The following FAM161A variants were observed in gnomAD, a reference collection of about 807,000 sequenced individuals.
FAM161A encodes the protein protein FAM161A.
FAM161A carries 57 observed loss-of-function variants against 70.9 expected under a neutral mutation model. The observed-to-expected ratio is 0.80, with a 90% CI of 0.65 to 1.00. The LOEUF (loss-of-function observed/expected upper bound fraction) is 1.00. Among genes scored for constraint, FAM161A ranks in the 50% least tolerant of loss-of-function variants. FAM161A has a pLI of 0.00. For missense variants in FAM161A, 880 were observed against 836.0 expected (o/e 1.05, Z -0.65); for synonymous variants, 299 against 295.7 (o/e 1.01, Z -0.12).
At position 61,826,468 on chromosome 2, in the gene FAM161A, T is replaced by C; in HGVS notation, c.2138A>G (p.Glu713Gly). The C allele has an allele frequency of 6.2e-7, 1 of 1,611,102 alleles. No homozygotes were observed. The change falls in exon 7 of 7, where the codon GAA (glutamate) becomes GGA (glycine). Residue 713 changes from glutamate to glycine, a missense_variant. Transcript: ENST00000404929. ...GACCTTGATGATTCAGTGTGATTCT[T>C]CAACAGATTTCTCTTCTTCACTTTC... Reference protein sequence around the residue: ...NEESEEEKSVEESH With the variant: ...NEESEEEKSVGESH
intron 1 of FAM161A, among the ~76,000 whole-genome samples, chr2:61,848,506 C>CT (rs1239832787): frequency 1.3e-5 from 2 of 151,848 alleles, no homozygotes; most frequent in South Asian, 2.1e-4. Context: ...CTTTAATCGG[C>CT]TTTTTGTGGA....
In FAM161A at chr2:61,842,272, G is replaced by C; in HGVS notation, c.272C>G (p.Ser91Cys). 1 of 1,612,996 alleles carries C rather than the reference G, an allele frequency of 6.2e-7. No individual in the cohort carries two copies. Among genetic ancestry groups the C allele is most frequent in the Non-Finnish European group, 8.5e-7 (1 of 1,179,166 alleles). The change falls in exon 2 of 7, where the codon TCT becomes TGT. Residue 91 changes from serine to cysteine, a missense_variant. Ser to Cys is a moderately radical substitution (Grantham distance 112). Transcript: ENST00000404929. ...DFVNFPDIHH[S>C]NEEYFKKVEE... is the part of the protein sequence containing the mutation. ...TACTTTCTTGAAATACTCCTCATTA[G>C]AGTGGTGAATATCAGGAAAGTTCAC...
At chr2:61,801,327 C>G in the FAM161A span, among the ~76,000 whole-genome samples, 1 of 151,230 alleles carries the variant, frequency 6.6e-6, no homozygotes, top group Non-Finnish European at 1.5e-5. Flanking sequence ...GAAACCCGGT[C>G]TCTACTAAAA....
chr2:61,834,040 A>G (rs928912620), intron 5 of FAM161A, among the ~76,000 whole-genome samples: 1 of 152,182 alleles, frequency 6.6e-6, no homozygotes, highest in Non-Finnish European at 1.5e-5. Context: ...ATTTTTCTAA[A>G]AAAATCAGAC....
chr2:61,830,704 A>AAC (rs397984772), intron 5 of FAM161A, among the ~76,000 whole-genome samples: 1 of 147,772 alleles, frequency 6.8e-6, no homozygotes, highest in Non-Finnish European at 1.5e-5. Flanking sequence ...AAAAAAAAAA[A>AAC]TGAGAACAGT....
At chr2:61,807,172 C>T in the FAM161A span, among the ~76,000 whole-genome samples, 1 of 151,976 alleles carries the variant, frequency 6.6e-6, no homozygotes, top group Non-Finnish European at 1.5e-5. Flanking sequence ...GAAGTTGAAG[C>T]ATCAGATGTC....
rs897022105 is a variant in FAM161A at position 61,825,932 on chromosome 2, C to A, written c.*523G>T. On this transcript the variant is annotated 3_prime_UTR_variant, in exon 7 of 7. Coordinates refer to ENST00000404929, the MANE Select transcript of FAM161A (RefSeq NM_001201543.2). ...GATTACAGGCATGAGCCACCATACC[C>A]GGCGTTTTTTCTATACTTTTAAAAA... The A allele has an allele frequency of 1.1e-5, 5 of 453,938 alleles. No homozygotes were observed. The highest frequency in any genetic ancestry group is 2.2e-5 in the Non-Finnish European group (5 of 226,758). 28.1% of individuals were successfully genotyped at this position (453,938 alleles called of 1,614,324 possible).
At chr2:61,822,456 T>C (rs1039190980), downstream of FAM161A, among the ~76,000 whole-genome samples, 3 of 152,152 alleles carry the variant, frequency 2.0e-5, no homozygotes, top group African/African-American at 7.2e-5. Flanking sequence ...TATTGTCAAA[T>C]TGACAAAAAC....
intron 4 of FAM161A, chr2:61,836,930 A>T (rs537321465): frequency 5.8e-6 from 1 of 172,736 alleles, no homozygotes; most frequent in Non-Finnish European, 1.3e-5. Context: ...CAGTGGTGCA[A>T]TCATGGCTGA....
rs1438502636 is a variant in FAM161A at position 61,825,312 on chromosome 2, A to G, written c.*1143T>C. The G allele has an allele frequency of 1.1e-5, 5 of 454,130 alleles. No individual in the cohort carries two copies. Among genetic ancestry groups the G allele is most frequent in the Non-Finnish European group, 1.8e-5 (4 of 226,800 alleles). The allele number at this position is 454,130 out of a possible 1,614,324, so 28.1% of individuals were successfully genotyped here. A position where few individuals can be genotyped will look rare whatever the true frequency, so the allele number is the denominator to read the frequency against. On this transcript the variant is annotated 3_prime_UTR_variant, in exon 7 of 7. Transcript: ENST00000404929. ...AATAATATGTAAAAAGTTGAACACA[A>G]CTGGGTCTAGCAGTGAAGAGTTAAA...
intron 2 of FAM161A, among the ~76,000 whole-genome samples, chr2:61,841,415 T>C (rs1003918532): frequency 2.0e-4 from 31 of 152,322 alleles, no homozygotes; most frequent in Middle Eastern, 6.8e-3. Flanking sequence ...AGAAGGCCAA[T>C]ACTTATTCCT....
At chr2:61,808,087 A>C in the FAM161A span, among the ~76,000 whole-genome samples, 1 of 152,174 alleles carries the variant, frequency 6.6e-6, no homozygotes, top group South Asian at 2.1e-4. Context: ...AGGTGATGGC[A>C]GGGAGCTCAG....
At chr2:61,807,877 ATAAAC>A in the FAM161A span, among the ~76,000 whole-genome samples, 1 of 152,088 alleles carries the variant, frequency 6.6e-6, no homozygotes, top group African/African-American at 2.4e-5. Flanking sequence ...CAGGCCTCAA[ATAAAC>A]CTCCTGCCTT....
rs148987910 is a variant in FAM161A, at chr2:61,830,245, A to C, written c.1852-2987T>G. ...AAAATCAATCAAACTATTATGATTC[A>C]GATAGGAAATAAAGGTTCCACCTGG... On this transcript the variant is annotated intron_variant, in intron 5 of 6. Coordinates refer to ENST00000404929, the MANE Select transcript of FAM161A (RefSeq NM_001201543.2). Among the ~76,000 whole-genome samples the C allele has an allele frequency of 3.9e-4, 60 of 152,318 alleles. 1 individual carries two copies. The highest frequency in any genetic ancestry group is 1.3e-3 in the African/African-American group (53 of 41,578).
chr2:61,809,220 C>G, the FAM161A span, among the ~76,000 whole-genome samples: 1 of 152,168 alleles, frequency 6.6e-6, no homozygotes, highest in African/African-American at 2.4e-5. Context: ...GACACCACTG[C>G]TGGTGTCCTT....
chr2:61,839,909 A>G lies in FAM161A; in HGVS notation c.1095T>C (p.Tyr365=), dbSNP rs1253790930. ...FKARPIPRST[Y]GSTTNDKLKE... is the part of the protein sequence containing the mutation. ...TTAACTTGTCATTGGTAGTTGAACCATAAGTAGATCGAGGAATGGGTCTGG... is the reference window on the plus strand; with the variant it reads ...TTAACTTGTCATTGGTAGTTGAACCGTAAGTAGATCGAGGAATGGGTCTGG... Residue 365 remains tyrosine (Y), a synonymous_variant, in exon 3 of 7, where the codon TAT becomes TAC. Transcript: ENST00000404929. 3.7e-6 allele frequency: 6 copies of G among 1,614,112 alleles called. No individual in the cohort carries two copies. In the East Asian group the frequency reaches 6.7e-5, roughly 18 times the overall value.
At chr2:61,806,132 C>T in the FAM161A span, among the ~76,000 whole-genome samples, 2,189 of 152,044 alleles carry the variant, frequency 0.014, 20 homozygotes, top group Non-Finnish European at 0.022. Flanking sequence ...GCAGGAGAAT[C>T]GCTTGAATCT....
chr2:61,802,348 C>A, the FAM161A span, among the ~76,000 whole-genome samples: 2 of 152,074 alleles, frequency 1.3e-5, no homozygotes, highest in African/African-American at 4.8e-5. Context: ...GGTAATCCGC[C>A]CTCCCTCCAG....
chr2:61,853,813 A>ACCCAGCCCATGCGAGGT, intron 1 of FAM161A, 46 bp downstream of exon 1: 1 of 1,609,630 alleles, frequency 6.2e-7, no homozygotes, highest in Middle Eastern at 1.7e-4. Flanking sequence ...CTCAGCCTGC[A>ACCCAGCCCATGCGAGGT]CCCAGCCCAT....
Sources: gnomAD v4.1 joint callset for allele counts (sites outside exome capture counted in the v4.1 genomes callset) on GRCh38, gnomAD v4.1.1 for gene constraint, MANE v1.5 for transcripts, NCBI Gene and HGNC (gene_info 2026-07-23, HGNC 2026-07-21) for gene names.